The following GALNT17 variants were observed in gnomAD, a reference collection of about 807,000 sequenced individuals.
The protein encoded by GALNT17 is polypeptide N-acetylgalactosaminyltransferase 17.
In GALNT17, 29 loss-of-function variants were observed where a neutral mutation model predicts 63.7. That is an observed-to-expected ratio of 0.46 (90% CI 0.34 to 0.62). The LOEUF (loss-of-function observed/expected upper bound fraction) is 0.62. Ranked by LOEUF, GALNT17 falls within the 20% of genes least tolerant of loss-of-function variation. The probability of loss-of-function intolerance (pLI) is 0.01; values close to 1 mark genes in which losing one functional copy is unlikely to be tolerated. For missense variants in GALNT17, 603 were observed against 799.6 expected (o/e 0.75, Z 2.97); for synonymous variants, 305 against 318.3 (o/e 0.96, Z 0.45).
At chr7:71,459,975 A>G (rs898251254) in intron 5 of GALNT17, among the ~76,000 whole-genome samples, 9 of 152,206 alleles carry the variant, frequency 5.9e-5, no homozygotes, top group Admixed American at 5.9e-4. Context: ...AATTCACCTT[A>G]TAGCCTGGAA....
chr7:71,321,929 C>T (rs372887913), intron 1 of GALNT17, among the ~76,000 whole-genome samples: 4 of 55,842 alleles, frequency 7.2e-5, no homozygotes, highest in South Asian at 8.5e-4. Flanking sequence ...CTTCCCCTCC[C>T]TCCCTCCCTC....
intron 9 of GALNT17, 67 bp downstream of exon 9, chr7:71,677,373 G>T (rs576987389): frequency 2.1e-4 from 303 of 1,471,868 alleles, no homozygotes; most frequent in Non-Finnish European, 2.7e-4. Flanking sequence ...GGCCTTGCAG[G>T]CCTTCTGGAT....
At chr7:71,530,540 TTATTTATTTATTTA>T (rs1487837572) in intron 5 of GALNT17, among the ~76,000 whole-genome samples, 1 of 4,614 alleles carries the variant, frequency 2.2e-4, no homozygotes, top group Non-Finnish European at 7.9e-4. Flanking sequence ...GTACAAGAAT[TTATTTATTTATTTA>T]TTTATTTATT....
intron 3 of GALNT17, among the ~76,000 whole-genome samples, chr7:71,414,593 T>C (rs1291882227): frequency 1.3e-5 from 2 of 152,144 alleles, no homozygotes; most frequent in African/African-American, 4.8e-5. Context: ...TCTTAACAAA[T>C]GAGGAACTCA....
At chr7:71,243,830 T>A (rs894039077) in intron 1 of GALNT17, among the ~76,000 whole-genome samples, 5 of 152,172 alleles carry the variant, frequency 3.3e-5, no homozygotes, top group African/African-American at 1.2e-4. Context: ...ATGAAAAATG[T>A]CTGTTCATAA....
At chr7:71,578,413 A>G (rs1054856598) in intron 6 of GALNT17, among the ~76,000 whole-genome samples, 4 of 152,148 alleles carry the variant, frequency 2.6e-5, no homozygotes, top group African/African-American at 9.7e-5. Flanking sequence ...AGCTCACTGC[A>G]GCCTCCAACT....
intron 1 of GALNT17, among the ~76,000 whole-genome samples, chr7:71,279,622 C>CT (rs1790745107): frequency 6.6e-6 from 1 of 151,790 alleles, no homozygotes; most frequent in African/African-American, 2.4e-5. Flanking sequence ...TTCTGAGGTT[C>CT]TAGGTGGACA....
chr7:71,464,240 G>A (rs55744623), intron 5 of GALNT17, among the ~76,000 whole-genome samples: 2,015 of 152,204 alleles, frequency 0.013, 36 homozygotes, highest in African/African-American at 0.046. Flanking sequence ...AGACAGCAAG[G>A]GTATGGGGTG....
In GALNT17 at chr7:71,712,441, C is replaced by T; in HGVS notation, c.*295C>T. Reference sequence around the variant, plus strand: ...ACCTGGTACTGAGGAGCAAGACTGTCCAGTTCTCCTCCACATCTCCCATCC... The same window carrying T: ...ACCTGGTACTGAGGAGCAAGACTGTTCAGTTCTCCTCCACATCTCCCATCC... On this transcript the variant is annotated 3_prime_UTR_variant, in exon 11 of 11. Coordinates refer to ENST00000333538, the MANE Select transcript of GALNT17 (RefSeq NM_022479.3). 1 of 229,050 alleles carries T rather than the reference C, an allele frequency of 4.4e-6. No homozygotes were observed. Among genetic ancestry groups the T allele is most frequent in the Non-Finnish European group, 8.6e-6 (1 of 116,770 alleles). 14.2% of individuals were successfully genotyped at this position (229,050 alleles called of 1,614,324 possible).
intron 6 of GALNT17, among the ~76,000 whole-genome samples, chr7:71,594,786 CTG>C (rs1789862555): frequency 6.6e-6 from 1 of 152,118 alleles, no homozygotes; most frequent in South Asian, 2.1e-4. Context: ...TTTAAAATAA[CTG>C]TAATCATTTT....
chr7:71,442,338 G>A (rs533305894), intron 5 of GALNT17, among the ~76,000 whole-genome samples: 5 of 151,968 alleles, frequency 3.3e-5, no homozygotes, highest in African/African-American at 9.6e-5. Flanking sequence ...CTGGGACTAC[G>A]GGCGCCCGCC....
chr7:71,651,084 G>A (rs1488174866), intron 6 of GALNT17, among the ~76,000 whole-genome samples: 2 of 152,102 alleles, frequency 1.3e-5, no homozygotes, highest in Admixed American at 1.3e-4. Context: ...TGAAGCTGTT[G>A]TAGAGAGAGG....
At chr7:71,688,491 T>C (rs1791395485) in intron 9 of GALNT17, among the ~76,000 whole-genome samples, 1 of 152,154 alleles carries the variant, frequency 6.6e-6, no homozygotes, top group Non-Finnish European at 1.5e-5. Context: ...CTCTGCCATC[T>C]GCTTTGCTTC....
chr7:71,150,886 G>A (rs565852198), intron 1 of GALNT17, among the ~76,000 whole-genome samples: 1 of 150,816 alleles, frequency 6.6e-6, no homozygotes, highest in Non-Finnish European at 1.5e-5. Flanking sequence ...TGTGCCTGTA[G>A]TCCCAGCTAC....
chr7:71,541,008 G>A (rs1299339899), intron 5 of GALNT17, among the ~76,000 whole-genome samples: 2 of 152,124 alleles, frequency 1.3e-5, no homozygotes, highest in Non-Finnish European at 2.9e-5. Context: ...GGAGGTCGAG[G>A]TGGGCAGATC....
chr7:71,225,614 G>A (rs976701850), intron 1 of GALNT17, among the ~76,000 whole-genome samples: 3 of 152,322 alleles, frequency 2.0e-5, no homozygotes, highest in Middle Eastern at 3.4e-3. Flanking sequence ...GAAATGTCTT[G>A]TTCCAGTGGA....
chr7:71,700,302 T>C (rs536622174), intron 9 of GALNT17, among the ~76,000 whole-genome samples: 1 of 132,634 alleles, frequency 7.5e-6, no homozygotes, highest in East Asian at 2.0e-4. Context: ...AGTGAGACTT[T>C]CTCAAAAAAA....
chr7:71,230,294 A>C (rs11975543), intron 1 of GALNT17, among the ~76,000 whole-genome samples: 1 of 151,976 alleles, frequency 6.6e-6, no homozygotes, highest in African/African-American at 2.4e-5. Context: ...ATAGGGGTTT[A>C]TTTTATATAC....
At chr7:71,413,208 T>C (rs1793461363) in intron 3 of GALNT17, among the ~76,000 whole-genome samples, 1 of 152,188 alleles carries the variant, frequency 6.6e-6, no homozygotes, top group Admixed American at 6.5e-5. Context: ...CCAGATCTGC[T>C]GCATAACTTA....
Sources: gnomAD v4.1 joint callset for allele counts (sites outside exome capture counted in the v4.1 genomes callset) on GRCh38, gnomAD v4.1.1 for gene constraint, MANE v1.5 for transcripts, NCBI Gene and HGNC (gene_info 2026-07-23, HGNC 2026-07-21) for gene names.